The following TBC1D19 variants were observed in gnomAD, a reference collection of about 807,000 sequenced individuals.
The protein encoded by TBC1D19 is TBC1 domain family, member 19.
A neutral mutation model predicts 89.0 loss-of-function variants in TBC1D19; 60 were observed. The observed-to-expected ratio is 0.67, with a 90% CI of 0.55 to 0.84. The LOEUF (loss-of-function observed/expected upper bound fraction) is 0.84, where lower values mean the gene tolerates loss of function less well. Among genes scored for constraint, TBC1D19 ranks in the 40% least tolerant of loss-of-function variants. The pLI is 0.00. For missense variants in TBC1D19, 500 were observed against 610.8 expected (o/e 0.82, Z 1.91); for synonymous variants, 189 against 199.7 (o/e 0.95, Z 0.45).
chr4:26,658,468 C>T (rs1745016120), intron 7 of TBC1D19, among the ~76,000 whole-genome samples: 1 of 152,132 alleles, frequency 6.6e-6, no homozygotes, highest in Non-Finnish European at 1.5e-5. Context: ...ATACCAGTAC[C>T]AGTCTGTTTT....
the TBC1D19 span, among the ~76,000 whole-genome samples, chr4:26,773,872 T>C: frequency 6.6e-6 from 1 of 152,212 alleles, no homozygotes; most frequent in South Asian, 2.1e-4. Context: ...ACTGTAGTCT[T>C]GTAGCATAGT....
intron 9 of TBC1D19, among the ~76,000 whole-genome samples, chr4:26,668,782 CCT>C (rs1410379318): frequency 6.6e-6 from 1 of 151,788 alleles, no homozygotes; most frequent in Admixed American, 6.6e-5. Flanking sequence ...ATCTTTAAAA[CCT>C]CTGTTACCTA....
intron 1 of TBC1D19, 145 bp downstream of exon 1, chr4:26,584,437 A>T: frequency 1.4e-6 from 1 of 695,264 alleles, no homozygotes; most frequent in East Asian, 2.8e-5. Flanking sequence ...AAAAACAAAA[A>T]CAAAAACAAA....
At chr4:26,748,861 C>G (rs752501605) in intron 19 of TBC1D19, among the ~76,000 whole-genome samples, 19 of 151,960 alleles carry the variant, frequency 1.3e-4, no homozygotes, top group Non-Finnish European at 1.6e-4. Flanking sequence ...ATATACTTCC[C>G]TTCTACTCTG....
chr4:26,771,703 T>G, the TBC1D19 span, among the ~76,000 whole-genome samples: 23 of 152,162 alleles, frequency 1.5e-4, no homozygotes, highest in African/African-American at 5.3e-4. Flanking sequence ...GCTTCAGTTA[T>G]GCAAGATAAA....
intron 14 of TBC1D19, among the ~76,000 whole-genome samples, chr4:26,718,350 A>G (rs1247099207): frequency 1.4e-5 from 2 of 144,718 alleles, no homozygotes; most frequent in South Asian, 4.5e-4. Flanking sequence ...TACTTTTTTT[A>G]ACAATCTATA....
the TBC1D19 span, among the ~76,000 whole-genome samples, chr4:26,849,187 TACACACACACACAAACAC>T: frequency 7.7e-5 from 8 of 104,532 alleles, no homozygotes; most frequent in African/African-American, 3.1e-4. Flanking sequence ...AAATAAATGA[TACACACACACACAAACAC>T]ACACACACAC....
the TBC1D19 span, among the ~76,000 whole-genome samples, chr4:26,845,689 TCA>T: frequency 1.3e-5 from 2 of 152,220 alleles, no homozygotes; most frequent in Admixed American, 6.5e-5. Flanking sequence ...TTTAATGGAC[TCA>T]CAGTCCCCCA....
At chr4:26,640,308 G>A (rs1438634581) in intron 7 of TBC1D19, 121 bp downstream of exon 7, 2 of 740,500 alleles carry the variant, frequency 2.7e-6, no homozygotes. Flanking sequence ...CACTGAAGCA[G>A]TAGAATGACA....
chr4:26,594,105 G>T (rs1257873568), intron 1 of TBC1D19, among the ~76,000 whole-genome samples: 1 of 152,164 alleles, frequency 6.6e-6, no homozygotes, highest in African/African-American at 2.4e-5. Flanking sequence ...GTCCAACAAT[G>T]GTAGACTGGA....
chr4:26,833,151 G>A, the TBC1D19 span, among the ~76,000 whole-genome samples: 2 of 152,116 alleles, frequency 1.3e-5, no homozygotes, highest in Non-Finnish European at 2.9e-5. Flanking sequence ...ACAGACAAGC[G>A]AAGAAAGACT....
chr4:26,829,596 C>T, the TBC1D19 span, among the ~76,000 whole-genome samples: 2 of 152,130 alleles, frequency 1.3e-5, no homozygotes, highest in Non-Finnish European at 2.9e-5. Flanking sequence ...CCCTCTCTCA[C>T]ACAGAAAAAG....
At chr4:26,763,078 TA>T in the TBC1D19 span, among the ~76,000 whole-genome samples, 1 of 152,200 alleles carries the variant, frequency 6.6e-6, no homozygotes, top group Admixed American at 6.5e-5. Context: ...CGTATGAAAA[TA>T]ACAAATTCAC....
chr4:26,825,290 G>A, the TBC1D19 span, among the ~76,000 whole-genome samples: 1 of 151,982 alleles, frequency 6.6e-6, no homozygotes, highest in African/African-American at 2.4e-5. Context: ...GTAGAGATGG[G>A]GTTTCACCAA....
At chr4:26,836,135 G>A in the TBC1D19 span, among the ~76,000 whole-genome samples, 1 of 152,034 alleles carries the variant, frequency 6.6e-6, no homozygotes, top group Non-Finnish European at 1.5e-5. Flanking sequence ...TGGTTTAAAC[G>A]TCATTCTTAT....
intron 1 of TBC1D19, among the ~76,000 whole-genome samples, chr4:26,592,075 T>C (rs1033927329): frequency 6.6e-6 from 1 of 152,178 alleles, no homozygotes; most frequent in Non-Finnish European, 1.5e-5. Flanking sequence ...TGAACATCAA[T>C]GCAAAAATCC....
intron 13 of TBC1D19, among the ~76,000 whole-genome samples, chr4:26,696,080 C>A (rs992955786): frequency 6.6e-6 from 1 of 152,188 alleles, no homozygotes; most frequent in African/African-American, 2.4e-5. Flanking sequence ...GGTAAAGAGT[C>A]AAGACCCATC....
the TBC1D19 span, chr4:26,857,827 G>C: frequency 6.6e-6 from 1 of 152,514 alleles, no homozygotes; most frequent in Non-Finnish European, 1.5e-5. Context: ...ATTTGGGAAG[G>C]GCAGGCTTGC....
intron 11 of TBC1D19, among the ~76,000 whole-genome samples, chr4:26,681,564 A>T (rs908258638): frequency 1.3e-5 from 2 of 151,986 alleles, no homozygotes; most frequent in Non-Finnish European, 2.9e-5. Flanking sequence ...AAAAATATAT[A>T]TATATACAGC....
Sources: gnomAD v4.1 joint callset for allele counts (sites outside exome capture counted in the v4.1 genomes callset) on GRCh38, gnomAD v4.1.1 for gene constraint, MANE v1.5 for transcripts, NCBI Gene and HGNC (gene_info 2026-07-23, HGNC 2026-07-21) for gene names.